KDM2B: variants seen among roughly 807,000 people sequenced by gnomAD.
KDM2B encodes the protein lysine demethylase 2B, also known as lysine-specific demethylase 2B.
In KDM2B, 26 loss-of-function variants were observed where a neutral mutation model predicts 150.0. That is an observed-to-expected ratio of 0.17 (90% confidence interval 0.13 to 0.24). KDM2B has a LOEUF of 0.24. KDM2B is among the 10% of genes least tolerant of loss of function. KDM2B has a pLI of 1.00. For synonymous variants in KDM2B, 734 were observed against 729.5 expected, an observed-to-expected ratio of 1.01 and a Z score of -0.10; for missense variants, 1,265 against 1,816.9, an observed-to-expected ratio of 0.70 and a Z score of 5.52.
At chr12:121,460,543 C>T (rs1041634890) in intron 12 of KDM2B, among the ~76,000 whole-genome samples, 1 of 152,200 alleles carries the variant, frequency 6.6e-6, no homozygotes, top group African/African-American at 2.4e-5. Context: ...GAGATACAGG[C>T]ATGTGCCACC....
chr12:121,517,037 A>AG (rs1298035321), intron 9 of KDM2B, among the ~76,000 whole-genome samples: 11 of 151,814 alleles, frequency 7.2e-5, no homozygotes, highest in South Asian at 2.1e-4. Context: ...AGCCACTGGG[A>AG]GGGGGGGAAA....
intron 12 of KDM2B, among the ~76,000 whole-genome samples, chr12:121,470,988 C>T (rs918517187): frequency 1.3e-5 from 2 of 152,230 alleles, no homozygotes; most frequent in Non-Finnish European, 2.9e-5. Context: ...ACAAATTCCT[C>T]TTTTGACACT....
chr12:121,467,932 C>A lies in KDM2B; in HGVS notation c.1735-14588G>T. ...GCTGGCCTGGATAAGCTCTGAGAGC[C>A]CAGTCTCCCCCGACGCGGGCGGTTG... On this transcript the variant is annotated intron_variant, in intron 12 of 22. Transcript: ENST00000377071. This position sits in a 1 kb window ranked among gnomAD's most constrained non-coding sequence, Gnocchi z 5.1. 1 of 152,748 alleles carries A rather than the reference C, an allele frequency of 6.5e-6. No homozygotes were observed. Among genetic ancestry groups the A allele is most frequent in the Non-Finnish European group, 1.5e-5 (1 of 68,430 alleles). 9.5% of individuals were successfully genotyped at this position (152,748 alleles called of 1,614,324 possible).
intron 11 of KDM2B, among the ~76,000 whole-genome samples, chr12:121,502,967 G>A (rs1306069172): frequency 6.9e-6 from 1 of 145,094 alleles, no homozygotes; most frequent in Non-Finnish European, 1.5e-5. Flanking sequence ...AAGGAAATCA[G>A]GTTTTTTTGT....
At chr12:121,563,016 G>A (rs542142652) in intron 4 of KDM2B, among the ~76,000 whole-genome samples, 23 of 152,248 alleles carry the variant, frequency 1.5e-4, no homozygotes, top group African/African-American at 5.1e-4. Flanking sequence ...AGAGAAATCC[G>A]ATAAAGACAT....
rs1555303415 is a variant in KDM2B at position 121,509,117 on chromosome 12, GGT to G, written c.1647+448_1647+449del. Among the ~76,000 whole-genome samples the G allele has an allele frequency of 3.3e-3, 502 of 152,218 alleles. 2 individuals carry two copies. Among genetic ancestry groups the G allele is most frequent in the Non-Finnish European group, 5.7e-3 (390 of 68,008 alleles). On this transcript the variant is annotated intron_variant, in intron 11 of 22. Transcript: ENST00000377071. ...TCTGTTGCCCAGGCTGGAGTGCAGT[GGT>G]GCGATCTCAGCTCACTGCAACCTCC...
At chr12:121,479,146 C>G in intron 12 of KDM2B, among the ~76,000 whole-genome samples, 1 of 151,666 alleles carries the variant, frequency 6.6e-6, no homozygotes, top group South Asian at 2.1e-4. Flanking sequence ...AATGTCGGGT[C>G]TTTTTTTAAG....
intron 8 of KDM2B, among the ~76,000 whole-genome samples, chr12:121,529,787 G>C (rs567752505): frequency 6.6e-6 from 1 of 151,506 alleles, no homozygotes. Flanking sequence ...AAAATTAGCC[G>C]GGCATGGTGG....
In KDM2B at chr12:121,467,190, C is replaced by A; in HGVS notation, c.1735-13846G>T. On this transcript the variant is annotated intron_variant, in intron 12 of 22. Coordinates refer to ENST00000377071, the MANE Select transcript of KDM2B (RefSeq NM_032590.5). The surrounding 1 kb of genome is among the most constrained non-coding windows in gnomAD (Gnocchi z 5.1). ...GGCTCCGATTCATAGTCGTCGTCCT[C>A]GGCGCTCACGGACATGGCCATGGCT... 2 of 1,114,954 alleles carry A rather than the reference C, an allele frequency of 1.8e-6. No individual in the cohort carries two copies. Among genetic ancestry groups the A allele is most frequent in the South Asian group, 1.8e-5 (1 of 54,670 alleles). The allele number at this position is 1,114,954 out of a possible 1,614,324, so 69.1% of individuals were successfully genotyped here. A position where few individuals can be genotyped will look rare whatever the true frequency, so the allele number is the denominator to read the frequency against.
intron 11 of KDM2B, among the ~76,000 whole-genome samples, chr12:121,497,197 T>C (rs1368427629): frequency 1.3e-5 from 2 of 152,178 alleles, no homozygotes; most frequent in Admixed American, 1.3e-4. Context: ...TCAATGTCAA[T>C]GATTTGTAAA....
intron 12 of KDM2B, among the ~76,000 whole-genome samples, chr12:121,458,366 C>A (rs76356686): frequency 0.02 from 3,028 of 152,134 alleles, 98 homozygotes; most frequent in African/African-American, 0.069. Context: ...CAGAATAAAA[C>A]CTTGTCTCAA....
At chr12:121,578,486 G>A (rs983995012) in intron 2 of KDM2B, among the ~76,000 whole-genome samples, 21 of 152,068 alleles carry the variant, frequency 1.4e-4, no homozygotes, top group Non-Finnish European at 1.5e-4. Flanking sequence ...GGGAGGGGGA[G>A]GACGCGGCGC....
intron 22 of KDM2B, among the ~76,000 whole-genome samples, chr12:121,436,986 C>CA (rs1874112168): frequency 6.6e-6 from 1 of 152,140 alleles, no homozygotes; most frequent in Non-Finnish European, 1.5e-5. Flanking sequence ...ATAATAAAAA[C>CA]AAATTCAGAC....
chr12:121,444,253 A>G lies in KDM2B; in HGVS notation c.2210T>C (p.Phe737Ser). 1 of 1,613,962 alleles carries G rather than the reference A, an allele frequency of 6.2e-7. No homozygotes were observed. ...GCCGGGCAGGTTGGAGGCGTACTTA[A>G]AGCCAGGGCCACGCTTTTGCTTGTA... ...KTGKQKRGPGFKYASNLPGSL... is the reference protein window; with the variant it reads ...KTGKQKRGPGSKYASNLPGSL... Residue 737 changes from phenylalanine (F) to serine (S), a missense_variant, in exon 16 of 23, where the codon TTT (phenylalanine) becomes TCT (serine). Phe to Ser is a radical substitution (Grantham distance 155, BLOSUM62 -2). Transcript: ENST00000377071.
At chr12:121,503,424 G>C (rs1450243318) in intron 11 of KDM2B, among the ~76,000 whole-genome samples, 1 of 151,986 alleles carries the variant, frequency 6.6e-6, no homozygotes, top group East Asian at 1.9e-4. Flanking sequence ...TCAAGTAGCT[G>C]GGACTACAGG....
chr12:121,512,890 T>C (rs1280051233), intron 10 of KDM2B, among the ~76,000 whole-genome samples: 6 of 152,194 alleles, frequency 3.9e-5, no homozygotes, highest in African/African-American at 1.2e-4. Context: ...GGACTGCTCT[T>C]ACATAGATAA....
At chr12:121,426,718 C>T (rs1872532092), downstream of KDM2B, among the ~76,000 whole-genome samples, 1 of 150,592 alleles carries the variant, frequency 6.6e-6, no homozygotes. Flanking sequence ...CTCCGCTTCC[C>T]AGGTTCAAGT....
chr12:121,544,245 G>C (rs1176040827), intron 6 of KDM2B, among the ~76,000 whole-genome samples: 1 of 151,894 alleles, frequency 6.6e-6, no homozygotes, highest in Non-Finnish European at 1.5e-5. Flanking sequence ...CAGTAAGCTA[G>C]GACTGTGCAC....
chr12:121,512,026 T>C (rs907092780), intron 10 of KDM2B, among the ~76,000 whole-genome samples: 4 of 152,206 alleles, frequency 2.6e-5, no homozygotes, highest in Non-Finnish European at 5.9e-5. Context: ...ATTATTCTTC[T>C]GCCCTAAATG....
Sources: allele counts gnomAD v4.1 joint callset (sites outside exome capture counted in the v4.1 genomes callset), GRCh38; gene constraint gnomAD v4.1.1; non-coding constraint Gnocchi (gnomAD v3.1); transcripts MANE v1.5; gene names NCBI Gene and HGNC (gene_info 2026-07-23, HGNC 2026-07-21).